TRHDE: variants seen among roughly 807,000 people sequenced by gnomAD.
The protein encoded by TRHDE is thyrotropin-releasing hormone-degrading ectoenzyme.
Under a neutral mutation model 125.7 loss-of-function variants are expected in TRHDE, and 72 were observed. The observed-to-expected ratio is 0.57, with a 90% CI of 0.47 to 0.70. The LOEUF (loss-of-function observed/expected upper bound fraction) is 0.70. TRHDE is among the 30% of genes least tolerant of loss of function. TRHDE has a pLI of 0.00. For missense variants in TRHDE, 1,110 were observed against 1,327.1 expected (o/e 0.84, Z 2.54); for synonymous variants, 509 against 509.1 (o/e 1.00, Z 0.00).
At chr12:72,476,325 C>G (rs1876891249) in intron 5 of TRHDE, among the ~76,000 whole-genome samples, 1 of 152,146 alleles carries the variant, frequency 6.6e-6, no homozygotes, top group Admixed American at 6.5e-5. Context: ...ACTCTATAAA[C>G]AAATTGCCCC....
intron 3 of TRHDE, among the ~76,000 whole-genome samples, chr12:72,419,903 A>G (rs1250317203): frequency 3.3e-5 from 5 of 152,206 alleles, no homozygotes; most frequent in Non-Finnish European, 7.3e-5. Flanking sequence ...TTGCTAGACT[A>G]GGCTAGTCAC....
chr12:72,512,588 CAT>C (rs928238553), intron 6 of TRHDE, among the ~76,000 whole-genome samples: 5 of 136,006 alleles, frequency 3.7e-5, no homozygotes, highest in African/African-American at 1.1e-4. Flanking sequence ...ATATAATAAT[CAT>C]ATATAATCAT....
chr12:72,528,897 T>A lies in TRHDE; in HGVS notation c.1723-13394T>A, dbSNP rs1215700186. On this transcript the variant is annotated intron_variant, in intron 6 of 18. Transcript: ENST00000261180. The stretch of plus-strand genomic sequence containing the variant: ...AACAAAATAAAGATTTTTAGCACTT[T>A]TAAACCATTGCTTTGCTAATACCTT... Among the ~76,000 whole-genome samples the A allele has an allele frequency of 3.3e-5, 5 of 152,156 alleles. No homozygotes were observed. In the South Asian group the frequency reaches 1.0e-3, roughly 31 times the overall value.
Position 72,142,833 on chromosome 12 carries a change from C to T in TRHDE, n.279+37081C>T, listed in dbSNP as rs200383679. On this transcript the variant is annotated intron_variant and non_coding_transcript_variant, in intron 2 of 4. Coordinates refer to the TRHDE transcript ENST00000548156. ...GTCAGGGAAGAGTCCGGCTGCTGGG[C>T]GGCCAGACTCAAGGGGAAGGTCATC... Among the ~76,000 whole-genome samples the T allele has an allele frequency of 5.9e-4, 90 of 152,062 alleles. No homozygotes were observed. The East Asian group carries it at 7.8e-3, about 13-fold the overall frequency.
chr12:72,272,138 C>T (rs371194534), upstream of TRHDE: 64 of 457,528 alleles, frequency 1.4e-4, no homozygotes, highest in Non-Finnish European at 1.8e-4. This position sits in a 1 kb window ranked among gnomAD's most constrained non-coding sequence, Gnocchi z 6.7. Context: ...CGAGCACATT[C>T]CACCCAGAGG....
chr12:72,320,989 T>C (rs963180807), intron 2 of TRHDE, among the ~76,000 whole-genome samples: 4 of 152,174 alleles, frequency 2.6e-5, no homozygotes, highest in Admixed American at 2.6e-4. Flanking sequence ...TAAGCTTTGA[T>C]TCGAAGTGAA....
chr12:72,128,572 A>G (rs535901374), intron 2 of TRHDE, among the ~76,000 whole-genome samples: 20 of 152,326 alleles, frequency 1.3e-4, no homozygotes, highest in African/African-American at 4.8e-4. Context: ...TAGAGGTATA[A>G]ATAATATTTT....
intron 2 of TRHDE, among the ~76,000 whole-genome samples, chr12:72,316,869 T>C (rs1215071067): frequency 6.6e-6 from 1 of 152,230 alleles, no homozygotes; most frequent in Non-Finnish European, 1.5e-5. Flanking sequence ...TACATGATTA[T>C]CTTGTGGTAG....
chr12:72,403,039 A>G (rs553166913), intron 3 of TRHDE, among the ~76,000 whole-genome samples: 3 of 152,134 alleles, frequency 2.0e-5, no homozygotes, highest in Non-Finnish European at 4.4e-5. Context: ...TTAAGCCTGG[A>G]AAAATCTGGT....
At chr12:72,248,417 C>CAAAAA (rs34434650) in intron 2 of TRHDE, among the ~76,000 whole-genome samples, 1 of 55,764 alleles carries the variant, frequency 1.8e-5, no homozygotes, top group African/African-American at 7.4e-5. Context: ...GACTCTGTCT[C>CAAAAA]AAAAAAAAAA....
chr12:72,107,686 G>T (rs1308325752), intron 2 of TRHDE, among the ~76,000 whole-genome samples: 5 of 152,060 alleles, frequency 3.3e-5, no homozygotes, highest in Non-Finnish European at 7.4e-5. Context: ...AGCCTTCAAA[G>T]CTACTGTGGC....
chr12:72,372,868 T>C (rs1258564913), intron 2 of TRHDE, among the ~76,000 whole-genome samples: 3 of 152,248 alleles, frequency 2.0e-5, no homozygotes, highest in African/African-American at 4.8e-5. Context: ...GACTTGGCGA[T>C]GTGGGCTCTT....
intron 9 of TRHDE, among the ~76,000 whole-genome samples, chr12:72,564,253 C>T (rs1388774956): frequency 6.6e-6 from 1 of 152,178 alleles, no homozygotes; most frequent in Non-Finnish European, 1.5e-5. Flanking sequence ...GTCAATGCTT[C>T]TTCCCCGAGC....
intron 2 of TRHDE, among the ~76,000 whole-genome samples, chr12:72,300,377 C>CATAA (rs530534241): frequency 2.7e-5 from 4 of 147,898 alleles, no homozygotes; most frequent in Admixed American, 6.8e-5. Context: ...CACACACACA[C>CATAA]ACACACACAC....
intron 2 of TRHDE, among the ~76,000 whole-genome samples, chr12:72,146,822 C>T (rs930435067): frequency 6.6e-6 from 1 of 152,200 alleles, no homozygotes; most frequent in Non-Finnish European, 1.5e-5. Flanking sequence ...GAGCTGTTGC[C>T]CAGCATCCCG....
intron 2 of TRHDE, among the ~76,000 whole-genome samples, chr12:72,185,124 G>A (rs1592474174): frequency 3.9e-5 from 6 of 152,306 alleles, no homozygotes; most frequent in African/African-American, 1.2e-4. Flanking sequence ...TGGCGGGCCC[G>A]CACTCGCACT....
chr12:72,155,661 A>G (rs2139324640), intron 2 of TRHDE, among the ~76,000 whole-genome samples: 1 of 152,326 alleles, frequency 6.6e-6, no homozygotes, highest in South Asian at 2.1e-4. Context: ...AGTCCACTCC[A>G]GACCCCGTTT....
intron 7 of TRHDE, among the ~76,000 whole-genome samples, chr12:72,547,790 A>G (rs1449023356): frequency 1.3e-5 from 2 of 151,886 alleles, no homozygotes; most frequent in Non-Finnish European, 2.9e-5. Context: ...TCTGCATAAT[A>G]CATGACCTAT....
intron 7 of TRHDE, among the ~76,000 whole-genome samples, chr12:72,549,361 G>C (rs1845443304): frequency 6.6e-6 from 1 of 151,800 alleles, no homozygotes; most frequent in Non-Finnish European, 1.5e-5. Context: ...TAAGTAAAAA[G>C]TCAGAAAATC....
Sources: gnomAD v4.1 joint callset for allele counts (sites outside exome capture counted in the v4.1 genomes callset) on GRCh38, gnomAD v4.1.1 for gene constraint, Gnocchi (gnomAD v3.1) non-coding constraint, MANE v1.5 for transcripts, NCBI Gene and HGNC (gene_info 2026-07-23, HGNC 2026-07-21) for gene names.